The following PHLDB2 variants were observed in gnomAD, a reference collection of about 807,000 sequenced individuals.
PHLDB2 encodes pleckstrin homology-like domain family B member 2.
PHLDB2 carries 71 observed loss-of-function variants against 123.6 expected under a neutral mutation model. The observed-to-expected ratio is 0.57, with a 90% confidence interval of 0.47 to 0.70. PHLDB2 has a LOEUF of 0.70. Among genes scored for constraint, PHLDB2 ranks in the 30% least tolerant of loss-of-function variants. The probability of loss-of-function intolerance (pLI) is 0.00; values close to 1 mark genes in which losing one functional copy is unlikely to be tolerated. For synonymous variants in PHLDB2, 547 were observed against 541.6 expected, an observed-to-expected ratio of 1.01 and a Z score of -0.14; for missense variants, 1,446 against 1,519.5, an observed-to-expected ratio of 0.95 and a Z score of 0.80.
intron 5 of PHLDB2, 148 bp from the exon 6 acceptor site, chr3:111,932,121 C>G (rs1577116922): frequency 1.2e-6 from 1 of 837,612 alleles, no homozygotes; most frequent in Non-Finnish European, 1.8e-6. Context: ...TCCCTTTATC[C>G]TAGCCACTAA....
chr3:111,757,538 G>T (rs1221520008), intron 1 of PHLDB2, among the ~76,000 whole-genome samples: 1 of 152,142 alleles, frequency 6.6e-6, no homozygotes, highest in Non-Finnish European at 1.5e-5. Flanking sequence ...GTAGCTCGGA[G>T]TAGTTTGATC....
At chr3:111,846,110 C>T in intron 2 of PHLDB2, 1 of 613,710 alleles carries the variant, frequency 1.6e-6, no homozygotes, top group Non-Finnish European at 2.9e-6. Context: ...TGCTTGTTCA[C>T]AGGCCACCAT....
At chr3:111,831,033 G>GA (rs1559855387) in intron 1 of PHLDB2, among the ~76,000 whole-genome samples, 2 of 55,926 alleles carry the variant, frequency 3.6e-5, no homozygotes, top group African/African-American at 1.3e-4. Context: ...AAGAAAGAAA[G>GA]GAAGGAAGGA....
At chr3:111,847,631 G>T (rs1270942073) in intron 2 of PHLDB2, among the ~76,000 whole-genome samples, 1 of 151,390 alleles carries the variant, frequency 6.6e-6, no homozygotes. Context: ...CCAAAATGTG[G>T]ATCTTAGCTT....
At chr3:111,807,923 A>T (rs375646872) in intron 1 of PHLDB2, among the ~76,000 whole-genome samples, 1 of 148,210 alleles carries the variant, frequency 6.7e-6, no homozygotes, top group African/African-American at 2.5e-5. Flanking sequence ...TGATAAGAGG[A>T]CCATTTTATA....
intron 1 of PHLDB2, among the ~76,000 whole-genome samples, chr3:111,774,920 T>C (rs1452868223): frequency 1.3e-5 from 2 of 152,170 alleles, no homozygotes; most frequent in African/African-American, 4.8e-5. Flanking sequence ...TCTCGATGGA[T>C]TGGATTCTGC....
At chr3:111,871,054 A>G (rs138023767) in intron 1 of PHLDB2, among the ~76,000 whole-genome samples, 45 of 152,224 alleles carry the variant, frequency 3.0e-4, no homozygotes, top group African/African-American at 1.0e-3. Context: ...TCTGTAATCT[A>G]AATCCCTCTG....
intron 1 of PHLDB2, among the ~76,000 whole-genome samples, chr3:111,756,034 T>C (rs1482530960): frequency 6.6e-6 from 1 of 152,162 alleles, no homozygotes; most frequent in Non-Finnish European, 1.5e-5. Context: ...TTATAATTTC[T>C]GTTCTTTTAC....
chr3:111,771,969 T>C (rs7651391), intron 1 of PHLDB2, among the ~76,000 whole-genome samples: 3,676 of 152,328 alleles, frequency 0.024, 63 homozygotes, highest in Non-Finnish European at 0.03. Context: ...TAACTGTCTT[T>C]TTTATAAAGT....
chr3:111,959,422 G>T (rs77083636), intron 12 of PHLDB2, among the ~76,000 whole-genome samples: 2,715 of 152,314 alleles, frequency 0.018, 50 homozygotes, highest in Non-Finnish European at 0.029. Context: ...GGATTCATGG[G>T]AAATAAAAAT....
intron 1 of PHLDB2, among the ~76,000 whole-genome samples, chr3:111,879,895 A>G (rs2065851341): frequency 6.7e-6 from 1 of 150,276 alleles, no homozygotes. Context: ...ACTTTTCTCT[A>G]TTAAGTTGTC....
intron 1 of PHLDB2, among the ~76,000 whole-genome samples, chr3:111,780,209 G>T (rs980274924): frequency 2.0e-5 from 3 of 149,206 alleles, no homozygotes; most frequent in Non-Finnish European, 4.4e-5. Flanking sequence ...AAGTGAAGCT[G>T]TTATTGCAGG....
At chr3:111,935,783 T>C (rs2069454141) in intron 6 of PHLDB2, among the ~76,000 whole-genome samples, 1 of 149,202 alleles carries the variant, frequency 6.7e-6, no homozygotes, top group Middle Eastern at 3.5e-3. Context: ...TTCTAGCCAC[T>C]CTGGCAGCTG....
intron 2 of PHLDB2, chr3:111,845,998 A>G: frequency 1.3e-6 from 2 of 1,509,824 alleles, no homozygotes; most frequent in South Asian, 1.2e-5. Context: ...CATCATACAT[A>G]TTGGGAATGA....
chr3:111,859,819 G>A, intron 1 of PHLDB2: 4 of 985,736 alleles, frequency 4.1e-6, no homozygotes, highest in Non-Finnish European at 4.8e-6. Flanking sequence ...CGGGGGCAAA[G>A]GCTAGGCGCT....
At position 111,885,253 on chromosome 3, in the gene PHLDB2, G is replaced by A. The variant is rs747896198; in HGVS notation, c.1176G>A (p.Glu392=). The change falls in exon 2 of 18, where the codon GAG becomes GAA. Residue 392 remains glutamate, a synonymous_variant. Transcript: ENST00000431670. ...CTTGTGGATCTGTGGAATTTGATGAGGCAGATTTGGAAAGCCTCAGACAGG... is the reference window on the plus strand; with the variant it reads ...CTTGTGGATCTGTGGAATTTGATGAAGCAGATTTGGAAAGCCTCAGACAGG... ...NFSCGSVEFD[E]ADLESLRQAS... 1 of 1,614,162 alleles carries A rather than the reference G, an allele frequency of 6.2e-7. No individual in the cohort carries two copies. Among genetic ancestry groups the A allele is most frequent in the Non-Finnish European group, 8.5e-7 (1 of 1,180,038 alleles).
chr3:111,867,593 C>CT (rs2065146242), intron 1 of PHLDB2, among the ~76,000 whole-genome samples: 1 of 152,026 alleles, frequency 6.6e-6, no homozygotes, highest in African/African-American at 2.4e-5. Context: ...CAATGTAACT[C>CT]TAAGAGTATT....
At chr3:111,931,083 T>C (rs536511256) in intron 5 of PHLDB2, among the ~76,000 whole-genome samples, 2 of 152,350 alleles carry the variant, frequency 1.3e-5, no homozygotes, top group East Asian at 1.9e-4. Context: ...ATAGGACTAT[T>C]TCAGAGGAAA....
chr3:111,924,115 C>G (rs984381623), intron 5 of PHLDB2, among the ~76,000 whole-genome samples: 2 of 152,118 alleles, frequency 1.3e-5, no homozygotes, highest in Non-Finnish European at 2.9e-5. Context: ...TACTGTTTTC[C>G]CCTACCTGGA....
Sources: allele counts gnomAD v4.1 joint callset (sites outside exome capture counted in the v4.1 genomes callset), GRCh38; gene constraint gnomAD v4.1.1; transcripts MANE v1.5; gene names NCBI Gene and HGNC (gene_info 2026-07-23, HGNC 2026-07-21).